Variants in SORCS3 observed in about 807,000 individuals in gnomAD.
SORCS3 encodes VPS10 domain-containing receptor SorCS3.
In SORCS3, 57 loss-of-function variants were observed where a neutral mutation model predicts 146.3. That is an observed-to-expected ratio of 0.39 (90% CI 0.31 to 0.49). The LOEUF (loss-of-function observed/expected upper bound fraction) is 0.49. SORCS3 is among the 20% of genes least tolerant of loss of function. SORCS3 has a pLI of 0.92. For missense variants in SORCS3, 1,341 were observed against 1,575.5 expected (o/e 0.85, Z 2.52); for synonymous variants, 653 against 618.5 (o/e 1.06, Z -0.83).
intron 7 of SORCS3, among the ~76,000 whole-genome samples, chr10:105,131,018 G>T (rs2056014703): frequency 6.6e-6 from 1 of 152,118 alleles, no homozygotes; most frequent in South Asian, 2.1e-4. Flanking sequence ...AGACTCTAGG[G>T]CCAGACTGAC....
At position 104,641,642 on chromosome 10, in the gene SORCS3, C is replaced by G; in HGVS notation, c.315C>G (p.Ala105=). The G allele has an allele frequency of 2.0e-6, 3 of 1,526,270 alleles. No individual in the cohort carries two copies. The highest frequency in any genetic ancestry group is 2.6e-6 in the Non-Finnish European group (3 of 1,142,096). 94.5% of individuals were successfully genotyped at this position (1,526,270 alleles called of 1,614,324 possible). Residue 105 remains alanine, a synonymous_variant, in exon 1 of 27, where the codon GCC becomes GCG. Coordinates refer to ENST00000369701, the MANE Select transcript of SORCS3 (RefSeq NM_014978.3). This position sits in a 1 kb window ranked among gnomAD's most constrained non-coding sequence, Gnocchi z 6.4. Reference sequence around the variant, plus strand: ...GAGGCGGTGAGATGCAGGTGGAAGCCGGAGGGACATCACCGGCAGGCGAGC... The same window carrying G: ...GAGGCGGTGAGATGCAGGTGGAAGCGGGAGGGACATCACCGGCAGGCGAGC... ...GGRGGEMQVE[A]GGTSPAGERR...
intron 3 of SORCS3, among the ~76,000 whole-genome samples, chr10:104,964,037 TC>T (rs1231402356): frequency 6.6e-6 from 1 of 152,128 alleles, no homozygotes; most frequent in Non-Finnish European, 1.5e-5. Context: ...CATTCATCTG[TC>T]CCTTCTGATC....
Position 104,977,508 on chromosome 10 carries a change from T to C in SORCS3, c.954+15T>C. ...TGGATCAAAAGGTGAATAAATACTATTTTCATTTACTTCTTGTCATCCAGG... is the reference window on the plus strand; with the variant it reads ...TGGATCAAAAGGTGAATAAATACTACTTTCATTTACTTCTTGTCATCCAGG... On this transcript the variant is annotated intron_variant, in intron 4 of 26. Coordinates refer to ENST00000369701, the MANE Select transcript of SORCS3 (RefSeq NM_014978.3). 1.3e-6 allele frequency: 2 copies of C among 1,583,488 alleles called. No individual in the cohort carries two copies. Among genetic ancestry groups the C allele is most frequent in the Non-Finnish European group, 1.7e-6 (2 of 1,166,430 alleles).
At chr10:104,742,883 A>C (rs1362087265) in intron 1 of SORCS3, among the ~76,000 whole-genome samples, 1 of 152,204 alleles carries the variant, frequency 6.6e-6, no homozygotes, top group Non-Finnish European at 1.5e-5. Flanking sequence ...AAGACTGGCC[A>C]CAAAGAGACC....
chr10:105,084,241 C>A (rs1008304729), intron 5 of SORCS3, among the ~76,000 whole-genome samples: 1 of 152,138 alleles, frequency 6.6e-6, no homozygotes, highest in African/African-American at 2.4e-5. Context: ...ATAAATGATA[C>A]CTTCCTTAAA....
At chr10:104,970,613 C>G (rs1278743445) in intron 3 of SORCS3, among the ~76,000 whole-genome samples, 1 of 152,088 alleles carries the variant, frequency 6.6e-6, no homozygotes, top group African/African-American at 2.4e-5. Flanking sequence ...AAGAGTATTT[C>G]CCTGCATTAT....
At chr10:104,897,401 G>A (rs2018808937) in intron 2 of SORCS3, among the ~76,000 whole-genome samples, 1 of 152,142 alleles carries the variant, frequency 6.6e-6, no homozygotes, top group Non-Finnish European at 1.5e-5. Context: ...ACAGATTGTT[G>A]CGGAACATTT....
intron 1 of SORCS3, among the ~76,000 whole-genome samples, chr10:104,652,059 ATGTG>A (rs3069971): frequency 0.49 from 73,027 of 148,442 alleles, 17,995 homozygotes; most frequent in Admixed American, 0.54. Flanking sequence ...TATATTTTAA[ATGTG>A]TGTGTGTGTG....
intron 1 of SORCS3, among the ~76,000 whole-genome samples, chr10:104,790,872 C>T (rs745994640): frequency 1.2e-4 from 18 of 152,228 alleles, no homozygotes; most frequent in South Asian, 4.1e-4. Context: ...GAAGCTGGCT[C>T]AACCCTCTCT....
intron 3 of SORCS3, among the ~76,000 whole-genome samples, chr10:104,959,212 A>G (rs1025630787): frequency 2.0e-5 from 3 of 151,922 alleles, no homozygotes; most frequent in Non-Finnish European, 4.4e-5. Flanking sequence ...GGAAATTAAT[A>G]GAGGGGATAC....
chr10:104,750,613 G>A (rs2016972421), intron 1 of SORCS3, among the ~76,000 whole-genome samples: 1 of 151,998 alleles, frequency 6.6e-6, no homozygotes, highest in South Asian at 2.1e-4. Flanking sequence ...AGACAGGATG[G>A]GACAGTGAAT....
At chr10:104,937,450 A>T (rs2019271478) in intron 3 of SORCS3, among the ~76,000 whole-genome samples, 1 of 152,236 alleles carries the variant, frequency 6.6e-6, no homozygotes, top group Non-Finnish European at 1.5e-5. Flanking sequence ...AGGAGAGTTC[A>T]CTATAAAATC....
chr10:104,773,295 C>T (rs574991377), intron 1 of SORCS3, among the ~76,000 whole-genome samples: 1 of 152,252 alleles, frequency 6.6e-6, no homozygotes, highest in African/African-American at 2.4e-5. Flanking sequence ...GCTATGAGTT[C>T]CTTGTAGGCA....
intron 2 of SORCS3, among the ~76,000 whole-genome samples, chr10:104,856,610 A>T (rs2018337003): frequency 3.0e-5 from 1 of 33,020 alleles, no homozygotes; most frequent in African/African-American, 5.9e-5. Flanking sequence ...AAATGTATTT[A>T]TATGTATATT....
intron 2 of SORCS3, among the ~76,000 whole-genome samples, chr10:104,897,812 C>T (rs1200493177): frequency 6.6e-6 from 1 of 152,150 alleles, no homozygotes; most frequent in African/African-American, 2.4e-5. Context: ...CTGTTCTGGT[C>T]GCTAATGAGT....
intron 4 of SORCS3, among the ~76,000 whole-genome samples, chr10:104,992,379 TG>T (rs2054999677): frequency 6.6e-5 from 10 of 152,200 alleles, no homozygotes; most frequent in Admixed American, 6.5e-4. Flanking sequence ...TTTAGAACCA[TG>T]GCTATTTGTT....
intron 7 of SORCS3, among the ~76,000 whole-genome samples, chr10:105,133,995 A>G (rs756593757): frequency 3.1e-4 from 47 of 152,150 alleles, no homozygotes; most frequent in Admixed American, 8.5e-4. Context: ...GAGTGTCAAA[A>G]CAGATTTTCC....
chr10:104,853,591 T>A (rs2018297126), intron 2 of SORCS3, among the ~76,000 whole-genome samples: 3 of 152,186 alleles, frequency 2.0e-5, no homozygotes, highest in Admixed American at 2.0e-4. Context: ...CCTTTGAGGT[T>A]TAAATTCCTG....
intron 1 of SORCS3, among the ~76,000 whole-genome samples, chr10:104,793,701 G>A (rs1322244134): frequency 6.6e-6 from 1 of 152,172 alleles, no homozygotes; most frequent in Non-Finnish European, 1.5e-5. Context: ...AGACAGAGCA[G>A]CAAGTGTATT....
Sources: allele counts gnomAD v4.1 joint callset (sites outside exome capture counted in the v4.1 genomes callset), GRCh38; gene constraint gnomAD v4.1.1; non-coding constraint Gnocchi (gnomAD v3.1); transcripts MANE v1.5; gene names NCBI Gene and HGNC (gene_info 2026-07-23, HGNC 2026-07-21).